GPR17: variants seen among roughly 807,000 people sequenced by gnomAD.
GPR17 encodes the protein uracil nucleotide/cysteinyl leukotriene receptor.
In GPR17, 4 loss-of-function variants were observed where a neutral mutation model predicts 1.5. The ratio of observed to expected loss-of-function variants is 2.73; its 90% confidence interval spans 1.35 to 6.25. GPR17 has a LOEUF of 6.25. GPR17 is among the 30% of genes most tolerant of loss of function. GPR17 has a pLI of 0.00. For missense variants in GPR17, 463 were observed against 462.1 expected (o/e 1.00, Z -0.02); for synonymous variants, 209 against 207.6 (o/e 1.01, Z -0.06).
intron 1 of GPR17, chr2:127,648,049 G>C: frequency 1.0e-6 from 1 of 985,692 alleles, no homozygotes; most frequent in Non-Finnish European, 1.2e-6. Flanking sequence ...CGCCTTCTTC[G>C]GCCCTCAGCT....
Position 127,649,914 on chromosome 2 carries a change from C to G in GPR17, c.-20-802C>G, listed in dbSNP as rs1212751911. The G allele has an allele frequency of 3.0e-6, 3 of 987,040 alleles. No individual in the cohort carries two copies. The African/African-American group carries it at 4.9e-5, about 16-fold the overall frequency. 61.1% of individuals were successfully genotyped at this position (987,040 alleles called of 1,614,324 possible). A position where few individuals can be genotyped will look rare whatever the true frequency, so the allele number is the denominator to read the frequency against. ...TTCCCCTCCTGGAAGAGATGCTGCC[C>G]CCTGGTGGTGGATCTACTCTGGGAG... is the stretch of plus-strand genomic sequence containing the variant. On this transcript the variant is annotated intron_variant, in intron 1 of 1. Transcript: ENST00000486700.
Position 127,650,924 on chromosome 2 carries a change from G to T in GPR17, c.189G>T (p.Gly63=). The change falls in exon 2 of 2, where the codon GGG becomes GGT. Residue 63 remains glycine, a synonymous_variant. Coordinates refer to ENST00000486700, the MANE Select transcript of GPR17 (RefSeq NM_001161417.2). ...TTTTCATCCGAGACCACAAGTCCGG[G>T]ACCCCGGCCAACGTGTTCCTGATGC... The part of the protein sequence containing the change: ...LWLFIRDHKS[G]TPANVFLMHL... The T allele has an allele frequency of 6.2e-7, 1 of 1,614,030 alleles. No individual in the cohort carries two copies. The highest frequency in any genetic ancestry group is 8.5e-7 in the Non-Finnish European group (1 of 1,180,042).
intron 1 of GPR17, chr2:127,650,105 C>T: frequency 6.3e-7 from 1 of 1,578,376 alleles, no homozygotes; most frequent in East Asian, 2.3e-5. Context: ...CTCTGACGTC[C>T]CAGGGTACAG....
rs1343913020 is a variant in GPR17, at chr2:127,652,062, C to T, written c.*307C>T. On this transcript the variant is annotated 3_prime_UTR_variant, in exon 2 of 2. Transcript: ENST00000486700. ...CCTGAACAATGGAGGCCTTTCTTTCCCGCTAGGCTCCCAGCCTCCTTCCCG... is the reference window on the plus strand; with the variant it reads ...CCTGAACAATGGAGGCCTTTCTTTCTCGCTAGGCTCCCAGCCTCCTTCCCG... 1 of 378,190 alleles carries T rather than the reference C, an allele frequency of 2.6e-6. No individual in the cohort carries two copies. The highest frequency in any genetic ancestry group is 5.0e-6 in the Non-Finnish European group (1 of 200,606). 23.4% of individuals were successfully genotyped at this position (378,190 alleles called of 1,614,324 possible). A position where few individuals can be genotyped will look rare whatever the true frequency, so the allele number is the denominator to read the frequency against.
chr2:127,648,628 G>A (rs930519352), intron 1 of GPR17, among the ~76,000 whole-genome samples: 9 of 152,122 alleles, frequency 5.9e-5, no homozygotes, highest in African/African-American at 2.2e-4. Context: ...GGGGCTGGGC[G>A]CAGTGACTCA....
At position 127,651,758 on chromosome 2, in the gene GPR17, G is replaced by C. The variant is rs183852456; in HGVS notation, c.*3G>C. On this transcript the variant is annotated 3_prime_UTR_variant, in exon 2 of 2. Coordinates refer to ENST00000486700, the MANE Select transcript of GPR17 (RefSeq NM_001161417.2). ...TGAGTGCCAAGTCAGAGCTGTGAGC[G>C]GGGGGCGCCGTCCAGGCCGAGCGCA... 3 of 1,609,812 alleles carry C rather than the reference G, an allele frequency of 1.9e-6. No individual in the cohort carries two copies. The highest frequency in any genetic ancestry group is 1.3e-5 in the African/African-American group (1 of 74,986).
chr2:127,649,846 C>T, intron 1 of GPR17: 1 of 638,450 alleles, frequency 1.6e-6, no homozygotes, highest in Non-Finnish European at 2.7e-6. Flanking sequence ...GATCCGTCCT[C>T]AACAGCGCTG....
chr2:127,650,435 G>A, intron 1 of GPR17: 1 of 546,438 alleles, frequency 1.8e-6, no homozygotes, highest in Non-Finnish European at 3.2e-6. Context: ...GGTCCTCCCA[G>A]CTCTGAGGAG....
chr2:127,646,821 A>G (rs1683040979), intron 1 of GPR17: 1 of 152,340 alleles, frequency 6.6e-6, no homozygotes, highest in Admixed American at 6.5e-5. Flanking sequence ...GCGAGTCTAG[A>G]CTGAAGTTTG....
rs6758607 is a variant in GPR17 at position 127,647,887 on chromosome 2, A to G, written c.-21+1643A>G. The G allele has an allele frequency of 0.087, 35,824 of 413,428 alleles. 3,709 individuals are homozygous for G. Among genetic ancestry groups the G allele is most frequent in the African/African-American group, 0.36 (16,448 of 46,036 alleles). 25.6% of individuals were successfully genotyped at this position (413,428 alleles called of 1,614,324 possible). A position where few individuals can be genotyped will look rare whatever the true frequency, so the allele number is the denominator to read the frequency against. ...CCTCCCCTGCCACCGTCCCACCGGTACCTGCTCCCTGTTCTCCCCTGCCTC... is the reference window on the plus strand; with the variant it reads ...CCTCCCCTGCCACCGTCCCACCGGTGCCTGCTCCCTGTTCTCCCCTGCCTC... On this transcript the variant is annotated intron_variant, in intron 1 of 1. Coordinates refer to ENST00000486700, the MANE Select transcript of GPR17 (RefSeq NM_001161417.2). This position sits in a 1 kb window ranked among gnomAD's most constrained non-coding sequence, Gnocchi z 4.3.
Position 127,651,054 on chromosome 2 carries a change from A to G in GPR17, c.319A>G (p.Thr107Ala), listed in dbSNP as rs781690937. 6.2e-7 allele frequency: 1 copy of G among 1,613,670 alleles called. No individual in the cohort carries two copies. The highest frequency in any genetic ancestry group is 1.1e-5 in the South Asian group (1 of 91,088). The change falls in exon 2 of 2, where the codon ACC becomes GCC. Residue 107 changes from threonine (T) to alanine (A), a missense_variant. By Grantham distance (58) the Thr-to-Ala change is moderately conservative. Transcript: ENST00000486700. The stretch of plus-strand genomic sequence containing the variant: ...ATTTGGGGAAATCGCATGCCGTCTC[A>G]CCGGCTTCCTCTTCTACCTCAACAT... The part of the protein sequence containing the change: ...WPFGEIACRL[T>A]GFLFYLNMYA...
intron 1 of GPR17, 107 bp from the exon 2 acceptor site, chr2:127,650,609 A>T: frequency 1.3e-6 from 1 of 766,500 alleles, no homozygotes; most frequent in Non-Finnish European, 2.1e-6. Context: ...GCTGAGCTTG[A>T]AAGTGGGAGG....
In GPR17 at chr2:127,647,161, C is replaced by A. The variant is rs1257415665; in HGVS notation, c.-21+917C>A. On this transcript the variant is annotated intron_variant, in intron 1 of 1. Transcript: ENST00000486700. This position sits in a 1 kb window ranked among gnomAD's most constrained non-coding sequence, Gnocchi z 4.3. ...CCCAGTAACACTCTGCCGTCACTGTCCTGAAACTCTTCCTTTTTGAGCAAG... is the reference window on the plus strand; with the variant it reads ...CCCAGTAACACTCTGCCGTCACTGTACTGAAACTCTTCCTTTTTGAGCAAG... Among the ~76,000 whole-genome samples, 1 of 152,184 alleles carries A rather than the reference C, an allele frequency of 6.6e-6. No homozygotes were observed. Among genetic ancestry groups the A allele is most frequent in the South Asian group, 2.1e-4 (1 of 4,834 alleles).
Position 127,651,160 on chromosome 2 carries a change from T to C in GPR17, c.425T>C (p.Leu142Pro). 6.2e-7 allele frequency: 1 copy of C among 1,612,760 alleles called. No homozygotes were observed. The highest frequency in any genetic ancestry group is 8.5e-7 in the Non-Finnish European group (1 of 1,179,962). Residue 142 changes from leucine (L) to proline (P), a missense_variant, in exon 2 of 2, where the codon CTC becomes CCC. Leu to Pro is a moderately conservative substitution (Grantham distance 98). Coordinates refer to ENST00000486700, the MANE Select transcript of GPR17 (RefSeq NM_001161417.2). ...GTGCACCCGGTCAAGTCCCTCAAGC[T>C]CCGCAGGCCCCTCTACGCACACCTG... ...AIVHPVKSLK[L>P]RRPLYAHLAC...
In GPR17 at chr2:127,647,676, G is replaced by A. The variant is rs111767333; in HGVS notation, c.-21+1432G>A. ...CCCCCTCTCCTCTTCCAGTCTCCAG[G>A]GCCTCCCCGCACACACCTTCCTCCT... On this transcript the variant is annotated intron_variant, in intron 1 of 1. Coordinates refer to ENST00000486700, the MANE Select transcript of GPR17 (RefSeq NM_001161417.2). The surrounding 1 kb of genome is among the most constrained non-coding windows in gnomAD (Gnocchi z 4.3). Among the ~76,000 whole-genome samples the A allele has an allele frequency of 0.015, 2,258 of 152,044 alleles. 58 individuals carry two copies. The highest frequency in any genetic ancestry group is 0.051 in the African/African-American group (2,132 of 41,432).
At chr2:127,649,861 G>T in intron 1 of GPR17, 1 of 671,422 alleles carries the variant, frequency 1.5e-6, no homozygotes, top group Admixed American at 2.7e-5. Context: ...GCGCTGGCCA[G>T]TGTCTCTGAC....
At position 127,649,084 on chromosome 2, in the gene GPR17, A is replaced by AAAAAAAG. The variant is rs1447586018; in HGVS notation, c.-20-1620_-20-1614dup. Among the ~76,000 whole-genome samples the AAAAAAAG allele has an allele frequency of 6.9e-3, 971 of 141,486 alleles. 9 individuals carry two copies. Among genetic ancestry groups the AAAAAAAG allele is most frequent in the Non-Finnish European group, 0.011 (667 of 62,778 alleles). The allele number at this position is 141,486 out of a possible 152,430, so 92.8% of individuals were successfully genotyped here. A position where few individuals can be genotyped will look rare whatever the true frequency, so the allele number is the denominator to read the frequency against. ...GGAAGGAAGGAAGGAAAAAGAAAAG[A>AAAAAAAG]AAAAAAGAAAAAAGAAAAGAAAAAA... is the stretch of plus-strand genomic sequence containing the variant. On this transcript the variant is annotated intron_variant, in intron 1 of 1. Coordinates refer to ENST00000486700, the MANE Select transcript of GPR17 (RefSeq NM_001161417.2).
In GPR17 at chr2:127,650,014, G is replaced by A. The variant is rs753360900; in HGVS notation, c.-20-702G>A. The stretch of plus-strand genomic sequence containing the variant: ...CACAGGTCTCCCCACCTGTCAGGAT[G>A]TCCAAACGGAGTTGGTGGGCTGGAT... On this transcript the variant is annotated intron_variant, in intron 1 of 1. Coordinates refer to ENST00000486700, the MANE Select transcript of GPR17 (RefSeq NM_001161417.2). 26 of 1,608,068 alleles carry A rather than the reference G, an allele frequency of 1.6e-5. No individual in the cohort carries two copies. In the East Asian group the frequency reaches 5.8e-4, roughly 36 times the overall value.
chr2:127,651,366 T>C lies in GPR17; in HGVS notation c.631T>C (p.Cys211Arg), dbSNP rs778634342. The change falls in exon 2 of 2, where the codon TGC becomes CGC. Residue 211 changes from cysteine to arginine, a missense_variant. Cys to Arg is a radical substitution (Grantham distance 180). Coordinates refer to ENST00000486700, the MANE Select transcript of GPR17 (RefSeq NM_001161417.2). ...FTFPFITTVTCYLLIIRSLRQ... is the reference protein window; with the variant it reads ...FTFPFITTVTRYLLIIRSLRQ... ...CTTCCCGTTCATCACCACGGTCACC[T>C]GCTACCTGCTGATCATCCGCAGCCT... The C allele has an allele frequency of 4.3e-6, 7 of 1,612,542 alleles. No individual in the cohort carries two copies. The highest frequency in any genetic ancestry group is 3.3e-5 in the Admixed American group (2 of 60,034).
Sources: gnomAD v4.1 joint callset for allele counts (sites outside exome capture counted in the v4.1 genomes callset) on GRCh38, gnomAD v4.1.1 for gene constraint, Gnocchi (gnomAD v3.1) non-coding constraint, MANE v1.5 for transcripts, NCBI Gene and HGNC (gene_info 2026-07-23, HGNC 2026-07-21) for gene names.